The following CLCN5 variants were observed in gnomAD, a reference collection of about 807,000 sequenced individuals.
CLCN5 encodes Cl-/H+ antiporter 5.
Under a neutral mutation model 54.0 loss-of-function variants are expected in CLCN5, and 17 were observed. That is an observed-to-expected ratio of 0.31 (90% CI 0.22 to 0.47). The LOEUF is 0.47. Among genes scored for constraint, CLCN5 ranks in the 20% least tolerant of loss-of-function variants. The pLI is 1.00. For missense variants in CLCN5, 448 were observed against 646.7 expected, an observed-to-expected ratio of 0.69 and a Z score of 3.33; for synonymous variants, 222 against 233.0, an observed-to-expected ratio of 0.95 and a Z score of 0.43.
At chrX:50,030,666 A>G (rs930922876) in intron 3 of CLCN5, among the ~76,000 whole-genome samples, 5 of 112,354 alleles carry the variant, frequency 4.5e-5, no homozygotes, top group Middle Eastern at 4.6e-3. Context: ...CATCATGTCA[A>G]GAAAGAAATC....
At chrX:49,960,145 A>T (rs1927525883) in intron 3 of CLCN5, among the ~76,000 whole-genome samples, 1 of 109,717 alleles carries the variant, frequency 9.1e-6, no homozygotes, top group Non-Finnish European at 1.9e-5. Flanking sequence ...TCTAACCCCC[A>T]CTTGACCCTG....
chrX:49,953,396 C>G (rs1927154627), intron 3 of CLCN5, among the ~76,000 whole-genome samples: 1 of 111,624 alleles, frequency 9.0e-6, no homozygotes, highest in Non-Finnish European at 1.9e-5. Context: ...ATCTTGACCA[C>G]CTGGGCTCAG....
intron 7 of CLCN5, 109 bp from the exon 8 acceptor site, chrX:50,080,485 T>G (rs1336722721): frequency 1.9e-5 from 5 of 269,622 alleles, no homozygotes; most frequent in Non-Finnish European, 2.3e-5. Flanking sequence ...ATCTCGGTGG[T>G]TTTTTTTTTT....
In CLCN5 at chrX:50,070,028, G is replaced by T; in HGVS notation, c.313G>T (p.Glu105Ter). The T allele has an allele frequency of 8.3e-7, 1 of 1,207,717 alleles. No homozygotes were observed. Among genetic ancestry groups the T allele is most frequent in the Non-Finnish European group, 1.1e-6 (1 of 892,729 alleles). Residue 105 changes from glutamate to a stop codon, truncating the protein, a stop_gained and splice_region_variant, in exon 5 of 15, where the codon GAG becomes TAG. Transcript: ENST00000376091. LOFTEE classifies it high-confidence loss of function. The part of the protein sequence containing the change: ...EKSRDRDRHR[E>*]ITNKSKESTW... ...GTCTCGAGACCGGGATAGGCACCGA[G>T]AGGTAAGACAAAAGATGGCACATGG...
chrX:49,927,116 C>G, intron 3 of CLCN5, among the ~76,000 whole-genome samples: 1 of 111,328 alleles, frequency 9.0e-6, no homozygotes, highest in East Asian at 2.8e-4. Flanking sequence ...GTTTCAAAGA[C>G]AGTTTTGAAA....
intron 3 of CLCN5, among the ~76,000 whole-genome samples, chrX:50,028,012 A>AT (rs1931507043): frequency 8.9e-6 from 1 of 111,742 alleles, no homozygotes; most frequent in African/African-American, 3.3e-5. Flanking sequence ...CCCTGTTATT[A>AT]TACAGGATCT....
At chrX:50,015,538 A>C (rs1349252402) in intron 3 of CLCN5, among the ~76,000 whole-genome samples, 1 of 108,540 alleles carries the variant, frequency 9.2e-6, no homozygotes, top group African/African-American at 3.4e-5. Context: ...TCAAATAGAG[A>C]TGGACTATAC....
At chrX:50,071,191 C>T (rs1557191492) in intron 5 of CLCN5, among the ~76,000 whole-genome samples, 2 of 110,751 alleles carry the variant, frequency 1.8e-5, no homozygotes, top group Non-Finnish European at 3.8e-5. Context: ...CACCTGAACC[C>T]AGGAGTCAGG....
At chrX:49,930,374 T>A (rs1249425517) in intron 3 of CLCN5, among the ~76,000 whole-genome samples, 1 of 112,106 alleles carries the variant, frequency 8.9e-6, no homozygotes, top group Non-Finnish European at 1.9e-5. Flanking sequence ...AGGAAGTAAT[T>A]AAGGGTATGC....
intron 4 of CLCN5, chrX:50,050,240 T>C (rs1932531647): frequency 8.9e-6 from 1 of 111,931 alleles, no homozygotes; most frequent in East Asian, 2.8e-4. Context: ...TTGGATCATA[T>C]GGTAACACTA....
chrX:49,972,860 C>T (rs782049532), intron 3 of CLCN5, among the ~76,000 whole-genome samples: 2 of 111,890 alleles, frequency 1.8e-5, no homozygotes, highest in Non-Finnish European at 3.8e-5. Context: ...CATTCTTAAA[C>T]CCTCCCTTAA....
chrX:49,934,489 G>A (rs1282452207), intron 3 of CLCN5, among the ~76,000 whole-genome samples: 1 of 111,012 alleles, frequency 9.0e-6, no homozygotes, highest in Non-Finnish European at 1.9e-5. Flanking sequence ...ATAGACCCAT[G>A]GTCAGGCCAA....
chrX:49,978,902 G>A (rs375350044), intron 3 of CLCN5, among the ~76,000 whole-genome samples: 11 of 111,186 alleles, frequency 9.9e-5, no homozygotes, highest in African/African-American at 3.3e-4. Context: ...GGGGATTGCC[G>A]GAGGGGATAG....
At chrX:50,064,275 C>A (rs1402017301) in intron 4 of CLCN5, among the ~76,000 whole-genome samples, 1 of 109,429 alleles carries the variant, frequency 9.1e-6, no homozygotes, top group African/African-American at 3.4e-5. Context: ...CGTCTCAGCC[C>A]AAAATCTCCT....
chrX:50,004,161 C>T (rs1930030157), intron 3 of CLCN5, among the ~76,000 whole-genome samples: 1 of 111,506 alleles, frequency 9.0e-6, no homozygotes, highest in African/African-American at 3.3e-5. Context: ...GATTTGCAGC[C>T]GATTCATTTG....
Position 50,098,105 on chromosome X carries a change from A to C in CLCN5, c.*5886A>C, listed in dbSNP as rs1433183377. On this transcript the variant is annotated 3_prime_UTR_variant, in exon 15 of 15. Coordinates refer to ENST00000376091, the MANE Select transcript of CLCN5 (RefSeq NM_001127898.4). ...TCTCCCATTTTCCTGGCTTTTTAGC[A>C]CTCAGCTTTTTTTTATAAGTATGTA... 9.0e-6 allele frequency: 1 copy of C among 111,241 alleles called. No individual in the cohort carries two copies. The highest frequency in any genetic ancestry group is 3.3e-5 in the African/African-American group (1 of 30,458). 9.2% of individuals were successfully genotyped at this position (111,241 alleles called of 1,213,427 possible). A position where few individuals can be genotyped will look rare whatever the true frequency, so the allele number is the denominator to read the frequency against.
At chrX:49,967,603 C>A (rs1927991715) in intron 3 of CLCN5, among the ~76,000 whole-genome samples, 1 of 69,499 alleles carries the variant, frequency 1.4e-5, no homozygotes, top group Non-Finnish European at 2.4e-5. Context: ...AAGCCTTTGA[C>A]AAAATTCAAC....
chrX:50,029,848 A>C (rs192876716), intron 3 of CLCN5, among the ~76,000 whole-genome samples: 1,833 of 111,989 alleles, frequency 0.016, 32 homozygotes, highest in African/African-American at 0.054. Context: ...GGATCTAGAA[A>C]TAGAAATACC....
intron 3 of CLCN5, among the ~76,000 whole-genome samples, chrX:50,025,906 T>A (rs1425618486): frequency 1.8e-5 from 2 of 112,056 alleles, no homozygotes; most frequent in Non-Finnish European, 3.8e-5. Flanking sequence ...TTTTATTACT[T>A]CTTCTCTTCT....
Sources: gnomAD v4.1 joint callset for allele counts (sites outside exome capture counted in the v4.1 genomes callset) on GRCh38, gnomAD v4.1.1 for gene constraint, MANE v1.5 for transcripts, NCBI Gene and HGNC (gene_info 2026-07-23, HGNC 2026-07-21) for gene names.